TLL1: variants seen among roughly 807,000 people sequenced by gnomAD.
TLL1 encodes the protein tolloid like 1.
A neutral mutation model predicts 128.2 loss-of-function variants in TLL1; 49 were observed. The observed-to-expected ratio is 0.38, with a 90% CI of 0.30 to 0.48. The LOEUF (loss-of-function observed/expected upper bound fraction) is 0.48, where lower values mean the gene tolerates loss of function less well. TLL1 is among the 20% of genes least tolerant of loss of function. The probability of loss-of-function intolerance (pLI) is 0.96; values close to 1 mark genes in which losing one functional copy is unlikely to be tolerated. For synonymous variants in TLL1, 454 were observed against 418.8 expected (o/e 1.08, Z -1.03); for missense variants, 1,123 against 1,242.0 (o/e 0.90, Z 1.44).
intron 19 of TLL1, among the ~76,000 whole-genome samples, chr4:166,092,171 A>G (rs1247885531): frequency 6.6e-6 from 1 of 152,144 alleles, no homozygotes; most frequent in Admixed American, 6.6e-5. Flanking sequence ...TATAAAAACA[A>G]TACAAATTCA....
intron 1 of TLL1, among the ~76,000 whole-genome samples, chr4:165,982,523 G>A (rs1478956932): frequency 1.3e-5 from 2 of 151,716 alleles, no homozygotes; most frequent in Non-Finnish European, 2.9e-5. Context: ...GCAGTGTGAG[G>A]TATTAACCAA....
intron 1 of TLL1, among the ~76,000 whole-genome samples, chr4:165,946,612 T>C (rs1734263298): frequency 6.6e-6 from 1 of 151,520 alleles, no homozygotes; most frequent in African/African-American, 2.4e-5. Context: ...AGTGCTCGAA[T>C]TATAGGCGTG....
At chr4:166,064,474 GA>G (rs1740483176) in intron 15 of TLL1, among the ~76,000 whole-genome samples, 1 of 152,076 alleles carries the variant, frequency 6.6e-6, no homozygotes, top group African/African-American at 2.4e-5. Flanking sequence ...ACCATTCATA[GA>G]ATGGCTGTTT....
At position 165,897,340 on chromosome 4, in the gene TLL1, T is replaced by G. The variant is rs1369424060; in HGVS notation, c.169+23267T>G. 2.0e-5 allele frequency among the ~76,000 whole-genome samples: 3 copies of G among 152,226 alleles called. No homozygotes were observed. In the East Asian group the frequency reaches 5.8e-4, roughly 29 times the overall value. On this transcript the variant is annotated intron_variant, in intron 1 of 20. Transcript: ENST00000061240. ...GAATGGTGTTGCTTAGGTTTTCTTC[T>G]AAGGTTTTTATGGATTAGGTTTTAC... is the stretch of plus-strand genomic sequence containing the variant.
intron 7 of TLL1, among the ~76,000 whole-genome samples, chr4:166,010,174 A>G (rs968426576): frequency 1.3e-5 from 2 of 151,510 alleles, no homozygotes; most frequent in Non-Finnish European, 3.0e-5. Flanking sequence ...AAGGCCAAAT[A>G]ATATTCCATT....
chr4:166,104,324 AAC>A lies in TLL1; in HGVS notation c.*3450_*3451del, dbSNP rs1742419751. Among the ~76,000 whole-genome samples, 1 of 151,994 alleles carries A rather than the reference AAC, an allele frequency of 6.6e-6. No individual in the cohort carries two copies. The highest frequency in any genetic ancestry group is 2.1e-4 in the South Asian group (1 of 4,832). On this transcript the variant is annotated 3_prime_UTR_variant, in exon 21 of 21. Transcript: ENST00000061240. ...CTATGTGACATTATAACTTACTTAA[AAC>A]AGTTATCAAATATTTGGAAACTATT... is the stretch of plus-strand genomic sequence containing the variant.
At chr4:166,052,202 T>C (rs958487024) in intron 12 of TLL1, among the ~76,000 whole-genome samples, 4 of 152,206 alleles carry the variant, frequency 2.6e-5, no homozygotes, top group African/African-American at 9.6e-5. Context: ...AATAATAATC[T>C]TCTTAAAATA....
At chr4:165,884,695 G>T (rs979535407) in intron 1 of TLL1, among the ~76,000 whole-genome samples, 1 of 152,130 alleles carries the variant, frequency 6.6e-6, no homozygotes, top group Non-Finnish European at 1.5e-5. Flanking sequence ...AATTAGCCAG[G>T]CATGGTGGTG....
chr4:166,069,135 C>T (rs1303790800), intron 16 of TLL1, among the ~76,000 whole-genome samples: 3 of 151,608 alleles, frequency 2.0e-5, no homozygotes, highest in Admixed American at 6.6e-5. Context: ...TTATAGACAC[C>T]TATTTCTTCA....
chr4:165,937,604 A>G (rs1246427944), intron 1 of TLL1, among the ~76,000 whole-genome samples: 1 of 152,028 alleles, frequency 6.6e-6, no homozygotes, highest in African/African-American at 2.4e-5. Flanking sequence ...TGCTCTGCAC[A>G]GTTTCTTCTG....
rs1739631996 is a variant in TLL1 at position 166,049,868 on chromosome 4, G to T, written c.1525-5208G>T. 2.0e-5 allele frequency among the ~76,000 whole-genome samples: 3 copies of T among 151,446 alleles called. 1 individual carries two copies. Among genetic ancestry groups the T allele is most frequent in the African/African-American group, 7.3e-5 (3 of 41,232 alleles). On this transcript the variant is annotated intron_variant, in intron 12 of 20. Coordinates refer to ENST00000061240, the MANE Select transcript of TLL1 (RefSeq NM_012464.5). ...TCATTTGCATTGTTTTTATTAATCA[G>T]AGTTTTATTTAACATTTTCCCCCAA... is the stretch of plus-strand genomic sequence containing the variant.
rs1480705109 is a variant in TLL1 at position 166,083,775 on chromosome 4, A to T, written c.2442+5745A>T. 3.9e-5 allele frequency among the ~76,000 whole-genome samples: 6 copies of T among 152,078 alleles called. 3 individuals are homozygous for T. The highest frequency in any genetic ancestry group is 8.8e-5 in the Non-Finnish European group (6 of 68,016). The stretch of plus-strand genomic sequence containing the variant: ...CTGTGTATATATACCACATTTTGTA[A>T]TCCGTTCATCCACTGATGGACACTT... On this transcript the variant is annotated intron_variant, in intron 18 of 20. Coordinates refer to ENST00000061240, the MANE Select transcript of TLL1 (RefSeq NM_012464.5).
chr4:165,922,947 A>T (rs1733100573), intron 1 of TLL1, among the ~76,000 whole-genome samples: 1 of 152,148 alleles, frequency 6.6e-6, no homozygotes, highest in South Asian at 2.1e-4. Context: ...TTGAGTGGTT[A>T]TTGAGCTGCT....
intron 1 of TLL1, among the ~76,000 whole-genome samples, chr4:165,921,631 AC>A (rs1733046224): frequency 6.6e-6 from 1 of 152,104 alleles, no homozygotes; most frequent in South Asian, 2.1e-4. Context: ...GGCATTTTTG[AC>A]ACCCTTCCCT....
chr4:165,930,345 T>C (rs1490072414), intron 1 of TLL1, among the ~76,000 whole-genome samples: 1 of 152,198 alleles, frequency 6.6e-6, no homozygotes, highest in African/African-American at 2.4e-5. Flanking sequence ...ATCTTAAGTA[T>C]GATATAGGAG....
In TLL1 at chr4:166,055,165, T is replaced by C; in HGVS notation, c.1614T>C (p.Gly538=). The C allele has an allele frequency of 1.2e-6, 2 of 1,613,618 alleles. No individual in the cohort carries two copies. The highest frequency in any genetic ancestry group is 1.7e-6 in the Non-Finnish European group (2 of 1,179,746). The change falls in exon 13 of 21, where the codon GGT becomes GGC. Residue 538 remains glycine (G), a synonymous_variant. Coordinates refer to ENST00000061240, the MANE Select transcript of TLL1 (RefSeq NM_012464.5). ...GCCCTTTGATAGGGCGTTTCTGTGG[T>C]TATGACAAACCTGAAGACATAAGAT... ...ENSPLIGRFC[G]YDKPEDIRST... is the part of the protein sequence containing the mutation.
chr4:166,059,036 A>G (rs1445638209), intron 14 of TLL1, among the ~76,000 whole-genome samples: 1 of 152,166 alleles, frequency 6.6e-6, no homozygotes, highest in African/African-American at 2.4e-5. Context: ...ATGAAGCAGT[A>G]TATTTTTAAA....
chr4:165,943,626 A>C (rs1734117489), intron 1 of TLL1, among the ~76,000 whole-genome samples: 1 of 152,020 alleles, frequency 6.6e-6, no homozygotes, highest in African/African-American at 2.4e-5. Flanking sequence ...GGTTATTTGG[A>C]AATTGTTTCC....
chr4:165,912,130 C>T (rs1732561699), intron 1 of TLL1, among the ~76,000 whole-genome samples: 1 of 152,140 alleles, frequency 6.6e-6, no homozygotes, highest in Non-Finnish European at 1.5e-5. Context: ...CTGCCTCGGC[C>T]TCCCAAAGTA....
Sources: gnomAD v4.1 joint callset for allele counts (sites outside exome capture counted in the v4.1 genomes callset) on GRCh38, gnomAD v4.1.1 for gene constraint, MANE v1.5 for transcripts, NCBI Gene and HGNC (gene_info 2026-07-23, HGNC 2026-07-21) for gene names.